Variants in RAD52 observed in about 807,000 individuals in gnomAD.
RAD52 encodes RAD52 DNA repair protein, also known as DNA repair protein RAD52 homolog.
A neutral mutation model predicts 55.5 loss-of-function variants in RAD52; 47 were observed. The ratio of observed to expected loss-of-function variants is 0.85; its 90% CI spans 0.67 to 1.08. The LOEUF is 1.08. Ranked by LOEUF, RAD52 falls within the 50% of genes least tolerant of loss-of-function variation. The pLI is 0.00. For missense variants in RAD52, 468 were observed against 522.8 expected, an observed-to-expected ratio of 0.90 and a Z score of 1.02; for synonymous variants, 184 against 198.9, an observed-to-expected ratio of 0.92 and a Z score of 0.63.
intron 7 of RAD52, among the ~76,000 whole-genome samples, chr12:921,429 A>G (rs1005642179): frequency 6.6e-6 from 1 of 152,094 alleles, no homozygotes; most frequent in African/African-American, 2.4e-5. Flanking sequence ...CAACACGGTA[A>G]AATTTTTTGT....
intron 5 of RAD52, 96 bp from the exon 6 acceptor site, chr12:927,359 T>A: frequency 1.1e-6 from 1 of 915,660 alleles, no homozygotes; most frequent in East Asian, 2.4e-5. Context: ...AGCCGGACTC[T>A]CCCACCTGGC....
upstream of RAD52, among the ~76,000 whole-genome samples, chr12:950,563 C>A (rs990134077): frequency 5.5e-5 from 6 of 109,846 alleles, no homozygotes; most frequent in Middle Eastern, 9.9e-3. Context: ...CAGAGCGAGG[C>A]TCCGTCTCAA....
At chr12:974,406 T>G (rs930811801) in intron 1 of RAD52, 2 of 152,226 alleles carry the variant, frequency 1.3e-5, no homozygotes, top group Non-Finnish European at 2.9e-5. Context: ...AGAGAAACTC[T>G]CCGCCCTTCC....
At chr12:926,411 G>A (rs1323790896) in intron 6 of RAD52, among the ~76,000 whole-genome samples, 1 of 152,068 alleles carries the variant, frequency 6.6e-6, no homozygotes, top group East Asian at 1.9e-4. Context: ...GGCTGAGGCG[G>A]GAAGATCACT....
intron 1 of RAD52, among the ~76,000 whole-genome samples, chr12:934,831 G>A (rs1213108443): frequency 6.6e-6 from 1 of 152,034 alleles, no homozygotes; most frequent in African/African-American, 2.4e-5. Flanking sequence ...TAAAAAAACC[G>A]GCCAGGTGTG....
intron 1 of RAD52, among the ~76,000 whole-genome samples, chr12:969,296 AATT>A (rs1565708402): frequency 6.6e-6 from 1 of 152,028 alleles, no homozygotes; most frequent in Non-Finnish European, 1.5e-5. Flanking sequence ...CCAGTCAAAG[AATT>A]ATTTAACATT....
intron 1 of RAD52, among the ~76,000 whole-genome samples, chr12:977,754 G>A (rs1042492455): frequency 6.6e-6 from 1 of 152,212 alleles, no homozygotes. Flanking sequence ...GGGAGCTCAG[G>A]GAACTAGTGT....
chr12:985,011 G>A (rs947140292), intron 1 of RAD52, among the ~76,000 whole-genome samples: 17 of 151,994 alleles, frequency 1.1e-4, no homozygotes, highest in African/African-American at 3.9e-4. Context: ...GGGTTTCACA[G>A]TATTAGCCAG....
At chr12:948,977 G>T (rs1486021658) in intron 1 of RAD52, among the ~76,000 whole-genome samples, 8 of 152,308 alleles carry the variant, frequency 5.3e-5, no homozygotes, top group Middle Eastern at 3.4e-3. Context: ...GGGATTACAG[G>T]TGTGAGACGC....
chr12:981,919 G>A (rs983382917), intron 1 of RAD52, among the ~76,000 whole-genome samples: 6 of 152,110 alleles, frequency 3.9e-5, no homozygotes, highest in Admixed American at 6.6e-5. Context: ...CTAGGGCCAC[G>A]GGGGAGGCAG....
chr12:954,747 C>T (rs573335753), intron 1 of RAD52, among the ~76,000 whole-genome samples: 3 of 152,294 alleles, frequency 2.0e-5, no homozygotes, highest in South Asian at 2.1e-4. Context: ...TACTGACTTA[C>T]ATTTTTCTAT....
chr12:959,885 C>T (rs1958660164), intron 1 of RAD52, among the ~76,000 whole-genome samples: 1 of 152,070 alleles, frequency 6.6e-6, no homozygotes, highest in South Asian at 2.1e-4. Flanking sequence ...TACTGAGAAA[C>T]CCATGGCCCT....
intron 1 of RAD52, among the ~76,000 whole-genome samples, chr12:933,331 C>T (rs535482791): frequency 2.0e-5 from 3 of 151,788 alleles, no homozygotes; most frequent in Admixed American, 1.3e-4. Context: ...TGGTGGCAGG[C>T]GCCTGTAATC....
chr12:925,928 C>T (rs888808621), intron 6 of RAD52, among the ~76,000 whole-genome samples: 1 of 152,098 alleles, frequency 6.6e-6, no homozygotes, highest in Non-Finnish European at 1.5e-5. Context: ...GGCACAACCT[C>T]CCATGACCAG....
chr12:943,687 C>T (rs1592430731), intron 1 of RAD52, among the ~76,000 whole-genome samples: 1 of 151,910 alleles, frequency 6.6e-6, no homozygotes, highest in East Asian at 1.9e-4. Flanking sequence ...AGTCTTTTGT[C>T]AAATAGGTCC....
chr12:927,043 T>C (rs1043206327), intron 6 of RAD52, 102 bp downstream of exon 6: 1 of 1,522,670 alleles, frequency 6.6e-7, no homozygotes, highest in Non-Finnish European at 9.0e-7. Flanking sequence ...CTGCTTGGAT[T>C]TTTGAACCAT....
intron 1 of RAD52, among the ~76,000 whole-genome samples, chr12:943,776 G>GT (rs1958043603): frequency 6.9e-6 from 1 of 145,438 alleles, no homozygotes. Context: ...CTTTGTGTGT[G>GT]TGGTTTTTTT....
chr12:929,951 G>C lies in RAD52; in HGVS notation c.281-65C>G, dbSNP rs759015571. The C allele has an allele frequency of 2.5e-6, 4 of 1,569,104 alleles. No individual in the cohort carries two copies. In the South Asian group the frequency reaches 3.3e-5, roughly 13 times the overall value. On this transcript the variant is annotated intron_variant, in intron 4 of 11. Coordinates refer to ENST00000358495, the MANE Select transcript of RAD52 (RefSeq NM_134424.4). The stretch of plus-strand genomic sequence containing the variant: ...CCGCTGGGCCACAACCATTCCTCCT[G>C]CTGGCAGCTGAGTCCACCTACCTTA...
intron 7 of RAD52, among the ~76,000 whole-genome samples, chr12:923,833 G>A (rs560730390): frequency 7.9e-4 from 120 of 151,722 alleles, no homozygotes; most frequent in African/African-American, 2.5e-3. Context: ...CGAGGCAGGC[G>A]GATTACTTGA....
Sources: gnomAD v4.1 joint callset for allele counts (sites outside exome capture counted in the v4.1 genomes callset) on GRCh38, gnomAD v4.1.1 for gene constraint, MANE v1.5 for transcripts, NCBI Gene and HGNC (gene_info 2026-07-23, HGNC 2026-07-21) for gene names.